Variants in KLF3 observed in about 807,000 individuals in gnomAD.
The protein encoded by KLF3 is Krueppel-like factor 3.
Under a neutral mutation model 32.7 loss-of-function variants are expected in KLF3, and 6 were observed. The observed-to-expected ratio is 0.18, with a 90% CI of 0.10 to 0.36. KLF3 has a LOEUF of 0.36. Ranked by LOEUF, KLF3 falls within the 10% of genes least tolerant of loss-of-function variation. The pLI is 1.00. For missense variants in KLF3, 338 were observed against 449.7 expected (o/e 0.75, Z 2.25); for synonymous variants, 145 against 172.8 (o/e 0.84, Z 1.26).
intron 1 of KLF3, among the ~76,000 whole-genome samples, chr4:38,676,183 G>C (rs1177777372): frequency 6.6e-6 from 1 of 152,176 alleles, no homozygotes; most frequent in Non-Finnish European, 1.5e-5. Context: ...GCTTACACCT[G>C]TAATCCCAGC....
intron 2 of KLF3, among the ~76,000 whole-genome samples, chr4:38,685,398 A>G (rs867016520): frequency 1.3e-5 from 2 of 152,184 alleles, no homozygotes; most frequent in Non-Finnish European, 1.5e-5. Context: ...CGCACATCCA[A>G]TAGAGGGAAT....
intron 1 of KLF3, among the ~76,000 whole-genome samples, chr4:38,669,221 C>T (rs529786488): frequency 1.3e-5 from 2 of 152,086 alleles, no homozygotes; most frequent in East Asian, 1.9e-4. Flanking sequence ...TTGGTTCTAG[C>T]TTTTTAAAAA....
At chr4:38,680,339 G>A (rs1560415870) in intron 1 of KLF3, among the ~76,000 whole-genome samples, 3 of 151,782 alleles carry the variant, frequency 2.0e-5, no homozygotes, top group Admixed American at 6.6e-5. Flanking sequence ...TCAGCCTTCC[G>A]AGTAGCTGGG....
rs951087860 is a variant in KLF3, at chr4:38,697,298, C to T, written c.*35C>T. ...TGTCCTGCCTCAGCGTGACTCCCCA[C>T]TCACCTGGCTCTCTCTCTGTCCTGC... On this transcript the variant is annotated 3_prime_UTR_variant, in exon 6 of 6. Coordinates refer to ENST00000261438, the MANE Select transcript of KLF3 (RefSeq NM_016531.6). 1.9e-6 allele frequency: 3 copies of T among 1,542,574 alleles called. No homozygotes were observed. The highest frequency in any genetic ancestry group is 1.7e-4 in the Middle Eastern group (1 of 5,784).
Position 38,678,777 on chromosome 4 carries a change from G to T in KLF3, c.-39-1810G>T, listed in dbSNP as rs187657297. 1.2e-3 allele frequency among the ~76,000 whole-genome samples: 177 copies of T among 152,262 alleles called. 1 individual carries two copies. The highest frequency in any genetic ancestry group is 4.0e-3 in the African/African-American group (167 of 41,538). On this transcript the variant is annotated intron_variant, in intron 1 of 5. Coordinates refer to ENST00000261438, the MANE Select transcript of KLF3 (RefSeq NM_016531.6). ...AAGGAATCCAGAACCCGGGATTCCT[G>T]CAGCTTCTTCAGCTGGAACTCACTC...
At chr4:38,696,432 C>T (rs533790067) in intron 5 of KLF3, among the ~76,000 whole-genome samples, 1 of 152,148 alleles carries the variant, frequency 6.6e-6, no homozygotes, top group East Asian at 1.9e-4. Flanking sequence ...CTGGTTCTCC[C>T]CATCATTTTC....
intron 1 of KLF3, among the ~76,000 whole-genome samples, chr4:38,677,537 C>G (rs1273275792): frequency 6.6e-6 from 1 of 152,186 alleles, no homozygotes; most frequent in African/African-American, 2.4e-5. Flanking sequence ...TTAATTTATT[C>G]TGCTGTGCTG....
intron 1 of KLF3, among the ~76,000 whole-genome samples, chr4:38,665,362 C>A (rs905241270): frequency 2.6e-5 from 4 of 152,154 alleles, no homozygotes; most frequent in Non-Finnish European, 5.9e-5. Context: ...CTAACATTTC[C>A]AAGTGGCTTT....
intron 1 of KLF3, among the ~76,000 whole-genome samples, chr4:38,672,769 G>A (rs1236451678): frequency 6.6e-6 from 1 of 152,164 alleles, no homozygotes; most frequent in Non-Finnish European, 1.5e-5. Context: ...GGTGGCAAGG[G>A]GTGAGGGCTG....
rs73232885 is a variant in KLF3, at chr4:38,673,333, T to C, written c.-39-7254T>C. On this transcript the variant is annotated intron_variant, in intron 1 of 5. Transcript: ENST00000261438. ...TCCTTAGGGTGGAGTTGGGTGGGTC[T>C]CCAGTGATAGGGAGGGCACTGAGCA... is the stretch of plus-strand genomic sequence containing the variant. 3.1e-3 allele frequency among the ~76,000 whole-genome samples: 467 copies of C among 152,284 alleles called. 4 individuals are homozygous for C. The highest frequency in any genetic ancestry group is 5.4e-3 in the Non-Finnish European group (367 of 68,010).
At chr4:38,669,744 T>C (rs1373001846) in intron 1 of KLF3, among the ~76,000 whole-genome samples, 1 of 151,514 alleles carries the variant, frequency 6.6e-6, no homozygotes, top group African/African-American at 2.4e-5. Flanking sequence ...AGTACAAAAA[T>C]TATCCGGGCG....
Position 38,671,294 on chromosome 4 carries a change from G to C in KLF3, c.-40+6833G>C, listed in dbSNP as rs1722191844. Among the ~76,000 whole-genome samples, 1 of 152,206 alleles carries C rather than the reference G, an allele frequency of 6.6e-6. No individual in the cohort carries two copies. Among genetic ancestry groups the C allele is most frequent in the South Asian group, 2.1e-4 (1 of 4,826 alleles). On this transcript the variant is annotated intron_variant, in intron 1 of 5. Coordinates refer to ENST00000261438, the MANE Select transcript of KLF3 (RefSeq NM_016531.6). The surrounding 1 kb of genome is among the most constrained non-coding windows in gnomAD (Gnocchi z 4.4). Reference sequence around the variant, plus strand: ...TTCCACCTTTGTGCAGTTATTATGAGGATTTCCGTATTTACTTGGGTCAAG... The same window carrying C: ...TTCCACCTTTGTGCAGTTATTATGACGATTTCCGTATTTACTTGGGTCAAG...
In KLF3 at chr4:38,700,433, A is replaced by G. The variant is rs757624660; in HGVS notation, c.*3170A>G. 1.3e-5 allele frequency: 2 copies of G among 152,202 alleles called. No homozygotes were observed. Among genetic ancestry groups the G allele is most frequent in the Non-Finnish European group, 2.9e-5 (2 of 68,036 alleles). 9.4% of individuals were successfully genotyped at this position (152,202 alleles called of 1,614,324 possible). On this transcript the variant is annotated 3_prime_UTR_variant, in exon 6 of 6. Transcript: ENST00000261438. ...TTAAAATAATTTGGTTTGAAAATAT[A>G]CAGTTGTCTTGAAGGAATTGCTGTC...
rs1413195734 is a variant in KLF3 at position 38,697,442 on chromosome 4, T to C, written c.*179T>C. The C allele has an allele frequency of 1.9e-6, 1 of 517,562 alleles. No homozygotes were observed. Among genetic ancestry groups the C allele is most frequent in the Non-Finnish European group, 3.3e-6 (1 of 305,116 alleles). The allele number at this position is 517,562 out of a possible 1,614,324, so 32.1% of individuals were successfully genotyped here. ...GTCAGTAGTAGATGTTCTCTAATCCTCCCTCTCCTTACCACGGGTCAGACC... is the reference window on the plus strand; with the variant it reads ...GTCAGTAGTAGATGTTCTCTAATCCCCCCTCTCCTTACCACGGGTCAGACC... On this transcript the variant is annotated 3_prime_UTR_variant, in exon 6 of 6. Transcript: ENST00000261438.
intron 1 of KLF3, among the ~76,000 whole-genome samples, chr4:38,666,782 G>C (rs1722056350): frequency 6.6e-6 from 1 of 152,214 alleles, no homozygotes; most frequent in Non-Finnish European, 1.5e-5. Flanking sequence ...TTGGAATTTA[G>C]TTCTGTGACT....
At chr4:38,666,062 A>T (rs1722027656) in intron 1 of KLF3, among the ~76,000 whole-genome samples, 1 of 152,230 alleles carries the variant, frequency 6.6e-6, no homozygotes, top group Admixed American at 6.5e-5. Flanking sequence ...CTCCCTAGAG[A>T]AACTGGTATC....
At chr4:38,696,192 A>G (rs74753127) in intron 5 of KLF3, among the ~76,000 whole-genome samples, 99 of 150,752 alleles carry the variant, frequency 6.6e-4, no homozygotes, top group East Asian at 4.1e-3. Flanking sequence ...GTAGGAAAAA[A>G]AAAAAAAAAA....
chr4:38,674,404 A>T lies in KLF3; in HGVS notation c.-39-6183A>T, dbSNP rs1240817247. ...GCTTGCCTGCCCAGTTTTCCTAGCC[A>T]AGAATTACACACACACATGCACACA... is the stretch of plus-strand genomic sequence containing the variant. On this transcript the variant is annotated intron_variant, in intron 1 of 5. Transcript: ENST00000261438. The surrounding 1 kb of genome is among the most constrained non-coding windows in gnomAD (Gnocchi z 4.1). 6.6e-6 allele frequency among the ~76,000 whole-genome samples: 1 copy of T among 152,058 alleles called. No homozygotes were observed. Among genetic ancestry groups the T allele is most frequent in the African/African-American group, 2.4e-5 (1 of 41,392 alleles).
At chr4:38,666,625 C>T (rs975507171) in intron 1 of KLF3, among the ~76,000 whole-genome samples, 2 of 152,194 alleles carry the variant, frequency 1.3e-5, no homozygotes, top group African/African-American at 4.8e-5. Context: ...AGATAAATGT[C>T]AGGAACAGAA....
Sources: gnomAD v4.1 joint callset for allele counts (sites outside exome capture counted in the v4.1 genomes callset) on GRCh38, gnomAD v4.1.1 for gene constraint, Gnocchi (gnomAD v3.1) non-coding constraint, MANE v1.5 for transcripts, NCBI Gene and HGNC (gene_info 2026-07-23, HGNC 2026-07-21) for gene names.